Variants in SCFD2 observed in about 807,000 individuals in gnomAD.
SCFD2 encodes the protein sec1 family domain-containing protein 2.
Under a neutral mutation model 58.9 loss-of-function variants are expected in SCFD2, and 54 were observed. The ratio of observed to expected loss-of-function variants is 0.92; its 90% confidence interval spans 0.74 to 1.15. The LOEUF (loss-of-function observed/expected upper bound fraction) is 1.15, where lower values mean the gene tolerates loss of function less well. Ranked by LOEUF, SCFD2 falls within the 50% of genes most tolerant of loss-of-function variation. The pLI, the probability that SCFD2 is intolerant of heterozygous loss-of-function variation, is 0.00. For synonymous variants in SCFD2, 321 were observed against 335.9 expected (o/e 0.96, Z 0.49); for missense variants, 805 against 836.6 (o/e 0.96, Z 0.47).
intron 4 of SCFD2, among the ~76,000 whole-genome samples, chr4:53,181,053 A>T (rs1727534980): frequency 6.6e-6 from 1 of 152,216 alleles, no homozygotes; most frequent in Non-Finnish European, 1.5e-5. Context: ...AGATGGATTC[A>T]CAGCCGAATT....
At chr4:52,895,634 G>T (rs1266222565) in intron 7 of SCFD2, among the ~76,000 whole-genome samples, 1 of 152,128 alleles carries the variant, frequency 6.6e-6, no homozygotes, top group Non-Finnish European at 1.5e-5. Context: ...ATAAACACAC[G>T]TGTGCATGTG....
At chr4:52,973,591 C>T (rs370439480) in intron 5 of SCFD2, among the ~76,000 whole-genome samples, 4 of 152,294 alleles carry the variant, frequency 2.6e-5, no homozygotes, top group African/African-American at 2.4e-5. Context: ...ACCAGAGGTA[C>T]AAGGAGGAGC....
At chr4:53,271,979 T>G (rs1333219180) in intron 4 of SCFD2, among the ~76,000 whole-genome samples, 6 of 152,088 alleles carry the variant, frequency 3.9e-5, no homozygotes. Context: ...ATATCCAGAA[T>G]CTACAATGAA....
chr4:53,079,171 G>C (rs1724069157), intron 5 of SCFD2, among the ~76,000 whole-genome samples: 1 of 152,128 alleles, frequency 6.6e-6, no homozygotes, highest in East Asian at 1.9e-4. Flanking sequence ...GGAGACAATG[G>C]TGAGGAGGGC....
chr4:53,016,267 A>G (rs1453454987), intron 5 of SCFD2, among the ~76,000 whole-genome samples: 3 of 152,224 alleles, frequency 2.0e-5, no homozygotes, highest in Non-Finnish European at 4.4e-5. Flanking sequence ...TGGAGATCCT[A>G]TCCAAGGAGG....
Position 53,177,391 on chromosome 4 carries a change from G to A in SCFD2, c.1312-31809C>T, listed in dbSNP as rs374874529. The stretch of plus-strand genomic sequence containing the variant: ...CCATGCAGAATCTGGAGGAGAGAGG[G>A]CCAAGGAGTGGGTTAGGAGAAGGGA... On this transcript the variant is annotated intron_variant, in intron 4 of 8. Transcript: ENST00000401642. Among the ~76,000 whole-genome samples the A allele has an allele frequency of 3.2e-4, 48 of 152,254 alleles. 2 individuals carry two copies. Among genetic ancestry groups the A allele is most frequent in the East Asian group, 2.9e-3 (15 of 5,180 alleles).
chr4:53,207,969 T>C (rs533960797), intron 4 of SCFD2, among the ~76,000 whole-genome samples: 23 of 151,032 alleles, frequency 1.5e-4, no homozygotes, highest in African/African-American at 2.2e-4. Flanking sequence ...CTTTTTTTTT[T>C]TCCCCCCATA....
chr4:53,117,710 A>G (rs1188773717), intron 5 of SCFD2, among the ~76,000 whole-genome samples: 1 of 152,202 alleles, frequency 6.6e-6, no homozygotes, highest in African/African-American at 2.4e-5. Flanking sequence ...TGTAAAGTAC[A>G]GTAAAGTTCA....
At position 53,175,119 on chromosome 4, in the gene SCFD2, T is replaced by C. The variant is rs1727290752; in HGVS notation, c.1312-29537A>G. 2.0e-5 allele frequency among the ~76,000 whole-genome samples: 3 copies of C among 152,318 alleles called. No individual in the cohort carries two copies. The South Asian group carries it at 6.2e-4, about 32-fold the overall frequency. ...CATAGAATTCCACAGGAGTCTGAATTGAAATACAGAACTAATAAGGTACCC... is the reference window on the plus strand; with the variant it reads ...CATAGAATTCCACAGGAGTCTGAATCGAAATACAGAACTAATAAGGTACCC... On this transcript the variant is annotated intron_variant, in intron 4 of 8. Coordinates refer to ENST00000401642, the MANE Select transcript of SCFD2 (RefSeq NM_152540.4).
chr4:53,150,922 TA>T (rs1726487559), intron 4 of SCFD2, among the ~76,000 whole-genome samples: 1 of 152,226 alleles, frequency 6.6e-6, no homozygotes, highest in Admixed American at 6.5e-5. Flanking sequence ...TTACCTGATT[TA>T]GGAATATATA....
chr4:53,039,563 C>T (rs552961859), intron 5 of SCFD2, among the ~76,000 whole-genome samples: 18 of 152,126 alleles, frequency 1.2e-4, no homozygotes, highest in Non-Finnish European at 2.4e-4. Context: ...CTTTAAGTGC[C>T]AGGCCCTAAC....
intron 5 of SCFD2, among the ~76,000 whole-genome samples, chr4:53,081,063 G>A (rs1397909787): frequency 6.6e-6 from 1 of 152,038 alleles, no homozygotes; most frequent in African/African-American, 2.4e-5. Context: ...TGCAGACTAC[G>A]ATCCACCTCC....
chr4:53,192,542 T>G (rs1215878900), intron 4 of SCFD2, among the ~76,000 whole-genome samples: 2 of 152,156 alleles, frequency 1.3e-5, no homozygotes, highest in African/African-American at 4.8e-5. Flanking sequence ...AAAATGTTTA[T>G]TTAAAAAATC....
intron 2 of SCFD2, among the ~76,000 whole-genome samples, chr4:53,333,802 A>C (rs1192198382): frequency 7.4e-6 from 1 of 135,808 alleles, no homozygotes; most frequent in East Asian, 2.1e-4. Flanking sequence ...CTACCATCAG[A>C]GTGAACAGGC....
intron 4 of SCFD2, among the ~76,000 whole-genome samples, chr4:53,238,208 G>A (rs1729737398): frequency 7.0e-6 from 1 of 143,830 alleles, no homozygotes; most frequent in Admixed American, 6.8e-5. Context: ...TCCCGGACGG[G>A]GCGGCTGGCC....
At chr4:53,193,577 A>C (rs1459638953) in intron 4 of SCFD2, among the ~76,000 whole-genome samples, 4 of 152,168 alleles carry the variant, frequency 2.6e-5, no homozygotes. Flanking sequence ...ATAGATTATG[A>C]AAAATGTCTT....
intron 5 of SCFD2, among the ~76,000 whole-genome samples, chr4:53,055,018 A>G (rs1157973667): frequency 6.6e-6 from 1 of 152,050 alleles, no homozygotes. Flanking sequence ...ATAATGAAGG[A>G]GTTTGTGTTT....
chr4:53,297,897 T>C (rs1304530502), intron 3 of SCFD2, among the ~76,000 whole-genome samples: 1 of 152,198 alleles, frequency 6.6e-6, no homozygotes, highest in South Asian at 2.1e-4. Flanking sequence ...AGAATTTTAT[T>C]TCTCCTTCAC....
At chr4:53,132,780 C>T (rs1353269296) in intron 5 of SCFD2, among the ~76,000 whole-genome samples, 1 of 152,162 alleles carries the variant, frequency 6.6e-6, no homozygotes, top group African/African-American at 2.4e-5. Flanking sequence ...GTTGCCATAG[C>T]AACATCCTTG....
Sources: allele counts gnomAD v4.1 joint callset (sites outside exome capture counted in the v4.1 genomes callset), GRCh38; gene constraint gnomAD v4.1.1; transcripts MANE v1.5; gene names NCBI Gene and HGNC (gene_info 2026-07-23, HGNC 2026-07-21).